PLCB1: variants seen among roughly 807,000 people sequenced by gnomAD.
The protein encoded by PLCB1 is phospholipase C beta 1, also known as 1-phosphatidylinositol 4,5-bisphosphate phosphodiesterase beta-1.
PLCB1 carries 46 observed loss-of-function variants against 161.8 expected under a neutral mutation model. That is an observed-to-expected ratio of 0.28 (90% CI 0.22 to 0.36). PLCB1 has a LOEUF of 0.36. Ranked by LOEUF, PLCB1 falls within the 10% of genes least tolerant of loss-of-function variation. The pLI is 1.00. For synonymous variants in PLCB1, 517 were observed against 503.7 expected (o/e 1.03, Z -0.35); for missense variants, 1,016 against 1,472.5 (o/e 0.69, Z 5.07).
intron 3 of PLCB1, among the ~76,000 whole-genome samples, chr20:8,416,277 A>G (rs1451838623): frequency 6.6e-6 from 1 of 152,188 alleles, no homozygotes; most frequent in Admixed American, 6.5e-5. Context: ...GATTATCTGA[A>G]GCGTGATGTA....
intron 27 of PLCB1, among the ~76,000 whole-genome samples, chr20:8,779,875 T>C (rs1460042981): frequency 2.0e-5 from 3 of 152,246 alleles, no homozygotes; most frequent in East Asian, 1.9e-4. Context: ...TCATAGTTCC[T>C]GTGGAAATCA....
intron 10 of PLCB1, among the ~76,000 whole-genome samples, chr20:8,686,286 A>G (rs1990355588): frequency 6.6e-6 from 1 of 152,216 alleles, no homozygotes; most frequent in Admixed American, 6.5e-5. Context: ...TCAAAGAAGT[A>G]TAATTTTTAA....
At chr20:8,509,884 G>A (rs1037015336) in intron 3 of PLCB1, among the ~76,000 whole-genome samples, 2 of 152,190 alleles carry the variant, frequency 1.3e-5, no homozygotes, top group African/African-American at 4.8e-5. Flanking sequence ...ACATTGCTCT[G>A]TTAGGTAATT....
chr20:8,821,192 T>C (rs1244763626), intron 31 of PLCB1, among the ~76,000 whole-genome samples: 1 of 151,904 alleles, frequency 6.6e-6, no homozygotes, highest in East Asian at 1.9e-4. Flanking sequence ...TTAAAAAATA[T>C]ATTTAAGGCC....
intron 2 of PLCB1, among the ~76,000 whole-genome samples, chr20:8,279,711 G>C (rs938782715): frequency 2.0e-5 from 3 of 152,176 alleles, no homozygotes; most frequent in Non-Finnish European, 4.4e-5. Flanking sequence ...TCCACAGGTT[G>C]AATCTCTCAA....
chr20:8,795,235 A>G (rs1983959091), intron 31 of PLCB1, among the ~76,000 whole-genome samples: 1 of 152,170 alleles, frequency 6.6e-6, no homozygotes, highest in Non-Finnish European at 1.5e-5. Context: ...CCCTATGAAA[A>G]AAGAGATTCA....
chr20:8,215,350 T>C lies in PLCB1; in HGVS notation c.177+64979T>C, dbSNP rs551063165. 8.5e-5 allele frequency among the ~76,000 whole-genome samples: 13 copies of C among 152,142 alleles called. No individual in the cohort carries two copies. The East Asian group carries it at 2.5e-3, about 30-fold the overall frequency. On this transcript the variant is annotated intron_variant, in intron 2 of 31. Coordinates refer to ENST00000338037, the MANE Select transcript of PLCB1 (RefSeq NM_015192.4). ...AAAAAAAAAAGTTCAAACAGATTCT[T>C]GGAAGGCTTTGAAGCTAGGATGCTT...
At chr20:8,621,431 T>C (rs1473832250) in intron 3 of PLCB1, among the ~76,000 whole-genome samples, 2 of 152,218 alleles carry the variant, frequency 1.3e-5, no homozygotes, top group Non-Finnish European at 2.9e-5. Flanking sequence ...CTAACTACTT[T>C]TTCCATTGAC....
chr20:8,845,614 G>C (rs1050909124), intron 31 of PLCB1, among the ~76,000 whole-genome samples: 1 of 152,092 alleles, frequency 6.6e-6, no homozygotes, highest in African/African-American at 2.4e-5. Context: ...CTGCCTTAAG[G>C]CTACTTCATC....
At chr20:8,498,737 C>T (rs1276439154) in intron 3 of PLCB1, among the ~76,000 whole-genome samples, 1 of 152,170 alleles carries the variant, frequency 6.6e-6, no homozygotes, top group Admixed American at 6.5e-5. Flanking sequence ...GCTCATGTTT[C>T]GGCTATTTGA....
chr20:8,677,412 A>G (rs1990111484), intron 9 of PLCB1, among the ~76,000 whole-genome samples: 1 of 152,178 alleles, frequency 6.6e-6, no homozygotes. Flanking sequence ...TCTCAAAACA[A>G]AGTTTAAAAT....
At chr20:8,787,654 G>A (rs1010182072) in intron 27 of PLCB1, among the ~76,000 whole-genome samples, 1 of 152,226 alleles carries the variant, frequency 6.6e-6, no homozygotes, top group South Asian at 2.1e-4. Context: ...AAGATTACCA[G>A]GCACAATTAC....
chr20:8,215,146 C>T (rs747417824), intron 2 of PLCB1, among the ~76,000 whole-genome samples: 2 of 152,012 alleles, frequency 1.3e-5, no homozygotes, highest in Non-Finnish European at 2.9e-5. Context: ...TTTTGTTGTT[C>T]TGATCTCTTG....
intron 25 of PLCB1, among the ~76,000 whole-genome samples, chr20:8,761,557 C>T (rs923932998): frequency 3.3e-5 from 5 of 152,158 alleles, no homozygotes; most frequent in African/African-American, 1.2e-4. Flanking sequence ...CTCACTCTGC[C>T]ACCCAGGCTG....
rs576516437 is a variant in PLCB1, at chr20:8,538,441, G to T, written c.247-89853G>T. 3.3e-5 allele frequency among the ~76,000 whole-genome samples: 5 copies of T among 152,160 alleles called. No homozygotes were observed. The East Asian group carries it at 9.7e-4, about 29-fold the overall frequency. Reference sequence around the variant, plus strand: ...GGCTCACTGCAGGCTCAAGCTCCTGGGCTCAAATGATCCTCCCACCTCAAA... The same window carrying T: ...GGCTCACTGCAGGCTCAAGCTCCTGTGCTCAAATGATCCTCCCACCTCAAA... On this transcript the variant is annotated intron_variant, in intron 3 of 31. Coordinates refer to ENST00000338037, the MANE Select transcript of PLCB1 (RefSeq NM_015192.4).
intron 2 of PLCB1, among the ~76,000 whole-genome samples, chr20:8,172,444 T>G (rs1568577682): frequency 6.6e-6 from 1 of 152,156 alleles, no homozygotes; most frequent in Admixed American, 6.5e-5. Flanking sequence ...TGACAAACAG[T>G]TCAAGAGGCC....
chr20:8,240,206 C>A (rs1389353499), intron 2 of PLCB1, among the ~76,000 whole-genome samples: 1 of 151,664 alleles, frequency 6.6e-6, no homozygotes, highest in Non-Finnish European at 1.5e-5. Context: ...CAACACCTCT[C>A]AGTCTCCCAA....
chr20:8,134,601 T>G (rs930490609), intron 1 of PLCB1, among the ~76,000 whole-genome samples: 34 of 152,154 alleles, frequency 2.2e-4, no homozygotes, highest in Non-Finnish European at 7.3e-5. Context: ...GACTGGATTC[T>G]GGGGTGGTGA....
chr20:8,317,161 C>T (rs1984696564), intron 2 of PLCB1, among the ~76,000 whole-genome samples: 1 of 152,040 alleles, frequency 6.6e-6, no homozygotes, highest in African/African-American at 2.4e-5. Flanking sequence ...TGAATGACAT[C>T]AAAGAATGGG....
Sources: allele counts gnomAD v4.1 joint callset (sites outside exome capture counted in the v4.1 genomes callset), GRCh38; gene constraint gnomAD v4.1.1; transcripts MANE v1.5; gene names NCBI Gene and HGNC (gene_info 2026-07-23, HGNC 2026-07-21).